Variants in CPNE4 observed in about 807,000 individuals in gnomAD.
CPNE4 encodes the protein copine 4.
A neutral mutation model predicts 67.9 loss-of-function variants in CPNE4; 25 were observed. The ratio of observed to expected loss-of-function variants is 0.37; its 90% CI spans 0.27 to 0.51. CPNE4 has a LOEUF of 0.51. CPNE4 is among the 20% of genes least tolerant of loss of function. The probability of loss-of-function intolerance (pLI) is 0.93; values close to 1 mark genes in which losing one functional copy is unlikely to be tolerated. For missense variants in CPNE4, 464 were observed against 690.8 expected (o/e 0.67, Z 3.68); for synonymous variants, 242 against 244.9 (o/e 0.99, Z 0.11).
At chr3:131,958,481 T>C (rs2613977) in intron 1 of CPNE4, among the ~76,000 whole-genome samples, 81,362 of 151,722 alleles carry the variant, frequency 0.54, 22,662 homozygotes, top group Admixed American at 0.68. Context: ...GCGATTCTGA[T>C]GCAGTTGATG....
At chr3:131,803,089 TAAA>T (rs2084189281) in intron 2 of CPNE4, among the ~76,000 whole-genome samples, 1 of 152,068 alleles carries the variant, frequency 6.6e-6, no homozygotes, top group South Asian at 2.1e-4. Context: ...CAAAAATAAA[TAAA>T]AAGACGAAGA....
At chr3:131,820,038 G>A (rs979297789) in intron 2 of CPNE4, among the ~76,000 whole-genome samples, 1 of 152,142 alleles carries the variant, frequency 6.6e-6, no homozygotes, top group Admixed American at 6.5e-5. Context: ...AGTTGCTTAC[G>A]TCCCTGAATC....
intron 1 of CPNE4, among the ~76,000 whole-genome samples, chr3:132,000,900 A>G (rs2073416118): frequency 6.6e-6 from 1 of 151,824 alleles, no homozygotes; most frequent in African/African-American, 2.4e-5. Context: ...CTCCCTTAAT[A>G]TCCACAATCG....
chr3:131,835,907 T>C (rs9826222), intron 2 of CPNE4, among the ~76,000 whole-genome samples: 129,784 of 152,118 alleles, frequency 0.85, 56,019 homozygotes, highest in East Asian at 1. Flanking sequence ...AGGCAGCATC[T>C]CTCTACCTTC....
chr3:132,023,588 C>T (rs1192546617), intron 1 of CPNE4, among the ~76,000 whole-genome samples: 4 of 148,134 alleles, frequency 2.7e-5, no homozygotes, highest in Admixed American at 2.0e-4. Context: ...CCCGGGTTCA[C>T]GCCATTCTCC....
chr3:131,793,180 T>C (rs2107889324), intron 2 of CPNE4, among the ~76,000 whole-genome samples: 1 of 152,224 alleles, frequency 6.6e-6, no homozygotes, highest in South Asian at 2.1e-4. Flanking sequence ...CCTTCCATTT[T>C]TTTCTCCACT....
chr3:131,700,055 T>TTTTTTTTTTTTTTC, intron 3 of CPNE4, 75 bp from the exon 4 acceptor site: 1 of 42,070 alleles, frequency 2.4e-5, no homozygotes, highest in Non-Finnish European at 3.8e-5. Flanking sequence ...TTTTTAAACC[T>TTTTTTTTTTTTTTC]TTTTTTTTTT....
intron 1 of CPNE4, among the ~76,000 whole-genome samples, chr3:131,994,623 C>A (rs1302293663): frequency 6.6e-6 from 1 of 152,128 alleles, no homozygotes; most frequent in Non-Finnish European, 1.5e-5. Flanking sequence ...TTGTGTATTT[C>A]TTTGGGAGAA....
intron 2 of CPNE4, among the ~76,000 whole-genome samples, chr3:131,797,858 C>G (rs2083961292): frequency 6.6e-6 from 1 of 152,156 alleles, no homozygotes; most frequent in African/African-American, 2.4e-5. Context: ...TTACTCAGCT[C>G]AAATTGCCAT....
At chr3:131,592,606 T>C (rs1282420106) in intron 7 of CPNE4, among the ~76,000 whole-genome samples, 1 of 151,560 alleles carries the variant, frequency 6.6e-6, no homozygotes, top group Non-Finnish European at 1.5e-5. Flanking sequence ...ATAGCTGATA[T>C]ACATATATAT....
chr3:131,745,246 TC>T (rs1353974416), intron 2 of CPNE4, among the ~76,000 whole-genome samples: 1 of 152,134 alleles, frequency 6.6e-6, no homozygotes, highest in Non-Finnish European at 1.5e-5. Flanking sequence ...ATGAAACGTC[TC>T]TTCATGTCTT....
intron 1 of CPNE4, among the ~76,000 whole-genome samples, chr3:131,958,721 C>T (rs1348983279): frequency 6.8e-6 from 1 of 146,660 alleles, no homozygotes; most frequent in African/African-American, 2.6e-5. Flanking sequence ...ACCTGTCAGG[C>T]GATCTTGGCT....
At chr3:131,780,020 G>C (rs1035980429) in intron 2 of CPNE4, among the ~76,000 whole-genome samples, 1 of 152,062 alleles carries the variant, frequency 6.6e-6, no homozygotes, top group Admixed American at 6.6e-5. Context: ...ATGGGCAAAG[G>C]ACATGAACAA....
chr3:131,769,507 GT>G (rs751956812), intron 2 of CPNE4, among the ~76,000 whole-genome samples: 1 of 152,114 alleles, frequency 6.6e-6, no homozygotes, highest in Non-Finnish European at 1.5e-5. Flanking sequence ...TTAGATGTGA[GT>G]TATGTCCAGA....
At chr3:131,581,460 A>G (rs937144954) in intron 9 of CPNE4, 119 bp downstream of exon 9, 6 of 695,130 alleles carry the variant, frequency 8.6e-6, no homozygotes, top group Non-Finnish European at 9.9e-6. Flanking sequence ...TGACTTTTTA[A>G]TTTTTATTTT....
intron 2 of CPNE4, among the ~76,000 whole-genome samples, chr3:131,754,834 G>A (rs1040798579): frequency 1.3e-5 from 2 of 152,056 alleles, no homozygotes; most frequent in African/African-American, 4.8e-5. Flanking sequence ...GAAACACAGA[G>A]GTATTTTGTA....
At chr3:131,938,158 A>G (rs2071280546) in intron 1 of CPNE4, among the ~76,000 whole-genome samples, 1 of 152,010 alleles carries the variant, frequency 6.6e-6, no homozygotes, top group African/African-American at 2.4e-5. Flanking sequence ...GGAATTCGAG[A>G]CCAGCCTGGG....
intron 7 of CPNE4, among the ~76,000 whole-genome samples, chr3:131,619,398 C>A (rs985451272): frequency 3.9e-5 from 6 of 152,074 alleles, no homozygotes; most frequent in African/African-American, 1.4e-4. Context: ...CAGTCAGCAT[C>A]CCTCAGCTGT....
chr3:131,999,940 T>C (rs1583579420), intron 1 of CPNE4, among the ~76,000 whole-genome samples: 2 of 151,984 alleles, frequency 1.3e-5, no homozygotes, highest in East Asian at 3.9e-4. Flanking sequence ...TTATATGGTT[T>C]CTAGTTAATT....
Sources: gnomAD v4.1 joint callset for allele counts (sites outside exome capture counted in the v4.1 genomes callset) on GRCh38, gnomAD v4.1.1 for gene constraint, MANE v1.5 for transcripts, NCBI Gene and HGNC (gene_info 2026-07-23, HGNC 2026-07-21) for gene names.